Variants in SAMD4A observed in about 807,000 individuals in gnomAD.
SAMD4A encodes the protein protein Smaug homolog 1.
A neutral mutation model predicts 81.3 loss-of-function variants in SAMD4A; 33 were observed. The ratio of observed to expected loss-of-function variants is 0.41; its 90% CI spans 0.31 to 0.54. The LOEUF is 0.54. SAMD4A is among the 20% of genes least tolerant of loss of function. The pLI is 0.37. For missense variants in SAMD4A, 854 were observed against 951.1 expected (o/e 0.90, Z 1.34); for synonymous variants, 389 against 382.1 (o/e 1.02, Z -0.21).
intron 2 of SAMD4A, chr14:54,692,904 T>C (rs2036485126): frequency 1.5e-5 from 2 of 135,304 alleles, no homozygotes; most frequent in Admixed American, 1.6e-4. Context: ...ATCAGACATA[T>C]AACAGTCTTA....
chr14:54,587,784 T>C (rs1200750176), intron 2 of SAMD4A, among the ~76,000 whole-genome samples: 1 of 152,238 alleles, frequency 6.6e-6, no homozygotes, highest in Non-Finnish European at 1.5e-5. Flanking sequence ...TTGGATTTGG[T>C]TCGCTAGTAT....
chr14:54,624,221 C>T (rs576209769), intron 2 of SAMD4A, among the ~76,000 whole-genome samples: 48 of 151,968 alleles, frequency 3.2e-4, no homozygotes, highest in African/African-American at 1.0e-3. Context: ...GATCCACCCA[C>T]CTTGGCCTCC....
At chr14:54,758,017 G>GGGAA in intron 6 of SAMD4A, among the ~76,000 whole-genome samples, 1 of 152,216 alleles carries the variant, frequency 6.6e-6, no homozygotes, top group Non-Finnish European at 1.5e-5. Flanking sequence ...GTGGGCAGCA[G>GGGAA]GGAAGGAGTG....
rs1224100323 is a variant in SAMD4A at position 54,770,010 on chromosome 14, C to T, written c.1597-94C>T. ...GAAACAGGTGAAGAAAAGGCAACTG[C>T]AGAGACTCCAATGTTTTCCCCTTAT... On this transcript the variant is annotated intron_variant, in intron 8 of 12. Transcript: ENST00000554335. The T allele has an allele frequency of 3.8e-6, 3 of 790,410 alleles. 1 individual carries two copies. Among genetic ancestry groups the T allele is most frequent in the Admixed American group, 4.2e-5 (2 of 48,066 alleles). 49.0% of individuals were successfully genotyped at this position (790,410 alleles called of 1,614,324 possible).
chr14:54,720,807 G>A (rs1248225410), intron 3 of SAMD4A, among the ~76,000 whole-genome samples: 5 of 151,986 alleles, frequency 3.3e-5, no homozygotes, highest in African/African-American at 1.2e-4. Context: ...GCCCCTCCCT[G>A]CACCCCTGCC....
chr14:54,656,691 G>A lies in SAMD4A; in HGVS notation c.197-45371G>A, dbSNP rs764289238. Among the ~76,000 whole-genome samples, 68 of 152,140 alleles carry A rather than the reference G, an allele frequency of 4.5e-4. 1 individual carries two copies. The highest frequency in any genetic ancestry group is 2.1e-4 in the South Asian group (1 of 4,820). Reference sequence around the variant, plus strand: ...TGCCCAGGCTGGAGGGCAGTGGCGCGATCTCGGCTCACTGCAAGCTCCATC... The same window carrying A: ...TGCCCAGGCTGGAGGGCAGTGGCGCAATCTCGGCTCACTGCAAGCTCCATC... On this transcript the variant is annotated intron_variant, in intron 2 of 12. Coordinates refer to ENST00000554335, the MANE Select transcript of SAMD4A (RefSeq NM_015589.6).
chr14:54,675,807 G>A (rs1335844381), intron 2 of SAMD4A, among the ~76,000 whole-genome samples: 4 of 151,736 alleles, frequency 2.6e-5, no homozygotes, highest in Admixed American at 6.6e-5. Context: ...AATACTCTGT[G>A]GTTATGGGGA....
chr14:54,612,135 A>G (rs2034373162), intron 2 of SAMD4A, among the ~76,000 whole-genome samples: 1 of 152,210 alleles, frequency 6.6e-6, no homozygotes, highest in African/African-American at 2.4e-5. Context: ...TGCTACTTTA[A>G]AAGCTGGTTG....
At chr14:54,780,351 C>T (rs980286576) in intron 11 of SAMD4A, among the ~76,000 whole-genome samples, 1 of 152,228 alleles carries the variant, frequency 6.6e-6, no homozygotes, top group Non-Finnish European at 1.5e-5. Context: ...AATTGGGATT[C>T]TTCTGCCATA....
intron 2 of SAMD4A, among the ~76,000 whole-genome samples, chr14:54,633,340 T>G (rs8015033): frequency 0.11 from 17,297 of 152,098 alleles, 1,295 homozygotes; most frequent in East Asian, 0.3. Flanking sequence ...CCAGTTTGGC[T>G]GGAGACTGGT....
intron 2 of SAMD4A, among the ~76,000 whole-genome samples, chr14:54,668,200 G>C (rs768829484): frequency 1.3e-5 from 2 of 152,132 alleles, no homozygotes; most frequent in South Asian, 4.1e-4. Flanking sequence ...CATACAACTT[G>C]TGCCTTTGCA....
At chr14:54,580,971 A>G (rs951598363) in intron 2 of SAMD4A, among the ~76,000 whole-genome samples, 10 of 152,248 alleles carry the variant, frequency 6.6e-5, no homozygotes, top group African/African-American at 1.9e-4. Context: ...GGTCAAGATG[A>G]GAATCCTCAC....
intron 2 of SAMD4A, among the ~76,000 whole-genome samples, chr14:54,686,418 A>G (rs2036270696): frequency 6.6e-6 from 1 of 152,212 alleles, no homozygotes; most frequent in Admixed American, 6.5e-5. Flanking sequence ...CTTGCGTCAT[A>G]TAACAGTGAA....
At position 54,760,226 on chromosome 14, in the gene SAMD4A, G is replaced by T; in HGVS notation, c.1242G>T (p.Pro414=). 6.2e-7 allele frequency: 1 copy of T among 1,613,390 alleles called. No individual in the cohort carries two copies. The highest frequency in any genetic ancestry group is 8.5e-7 in the Non-Finnish European group (1 of 1,179,914). ...LQELHQMILT[P]IKAYSSPSTT... is the part of the protein sequence containing the mutation. ...AACTGCACCAGATGATCCTGACTCC[G>T]ATCAAGGCCTACAGCTCCCCGAGCA... Residue 414 remains proline (P), a synonymous_variant, in exon 7 of 13, where the codon CCG becomes CCT. Coordinates refer to ENST00000554335, the MANE Select transcript of SAMD4A (RefSeq NM_015589.6).
intron 2 of SAMD4A, among the ~76,000 whole-genome samples, chr14:54,670,607 C>T (rs1335511978): frequency 6.6e-6 from 1 of 152,176 alleles, no homozygotes; most frequent in East Asian, 1.9e-4. Context: ...TAAAGCCTGG[C>T]TTGTAGGCTT....
intron 2 of SAMD4A, among the ~76,000 whole-genome samples, chr14:54,579,261 A>G (rs1459060003): frequency 6.6e-6 from 1 of 152,268 alleles, no homozygotes; most frequent in Non-Finnish European, 1.5e-5. Flanking sequence ...CTGACCTCTC[A>G]GAGTCAAGCA....
intron 2 of SAMD4A, among the ~76,000 whole-genome samples, chr14:54,611,476 C>T (rs894481872): frequency 6.6e-6 from 1 of 152,190 alleles, no homozygotes; most frequent in Non-Finnish European, 1.5e-5. Flanking sequence ...GAAACTCTTC[C>T]TTATGCTAGC....
chr14:54,620,752 C>T (rs2034595837), intron 2 of SAMD4A, among the ~76,000 whole-genome samples: 1 of 152,050 alleles, frequency 6.6e-6, no homozygotes, highest in Admixed American at 6.5e-5. Context: ...AAAATCATTG[C>T]TCCATTCATT....
At chr14:54,637,468 G>A (rs2035063751) in intron 2 of SAMD4A, among the ~76,000 whole-genome samples, 2 of 152,008 alleles carry the variant, frequency 1.3e-5, no homozygotes, top group African/African-American at 4.8e-5. Context: ...AGGAGAGGGT[G>A]GAGCTCTAGA....
Sources: allele counts gnomAD v4.1 joint callset (sites outside exome capture counted in the v4.1 genomes callset), GRCh38; gene constraint gnomAD v4.1.1; transcripts MANE v1.5; gene names NCBI Gene and HGNC (gene_info 2026-07-23, HGNC 2026-07-21).